PIWIL1: variants seen among roughly 807,000 people sequenced by gnomAD.
PIWIL1 encodes the protein piwi like RNA-mediated gene silencing 1.
PIWIL1 carries 73 observed loss-of-function variants against 114.4 expected under a neutral mutation model. The ratio of observed to expected loss-of-function variants is 0.64; its 90% CI spans 0.53 to 0.78. PIWIL1 has a LOEUF of 0.78. PIWIL1 is among the 30% of genes least tolerant of loss of function. The pLI, the probability that PIWIL1 is intolerant of heterozygous loss-of-function variation, is 0.00. For synonymous variants in PIWIL1, 375 were observed against 369.0 expected (o/e 1.02, Z -0.19); for missense variants, 723 against 1,063.1 (o/e 0.68, Z 4.45).
At chr12:130,424,607 G>C in the PIWIL1 span, 2 of 1,231,828 alleles carry the variant, frequency 1.6e-6, no homozygotes, top group Non-Finnish European at 2.0e-6. The surrounding 1 kb of genome is among the most constrained non-coding windows in gnomAD (Gnocchi z 9.8). Flanking sequence ...CCGAGCCCCT[G>C]TGCTTCACCG....
intron 18 of PIWIL1, 34 bp from the exon 19 acceptor site, chr12:130,367,099 G>A (rs1483668342): frequency 1.2e-6 from 2 of 1,611,312 alleles, no homozygotes; most frequent in Admixed American, 3.3e-5. Context: ...AATATGACTG[G>A]CTAAATGCAG....
chr12:130,399,130 C>A, the PIWIL1 span: 1 of 1,396,126 alleles, frequency 7.2e-7, no homozygotes, highest in Non-Finnish European at 9.4e-7. Flanking sequence ...GGCTACATTG[C>A]CTGATTAAGG....
chr12:130,420,926 C>T, the PIWIL1 span: 2 of 152,200 alleles, frequency 1.3e-5, no homozygotes, highest in African/African-American at 2.4e-5. The surrounding 1 kb of genome is among the most constrained non-coding windows in gnomAD (Gnocchi z 4.3). Flanking sequence ...GCGCCTACAG[C>T]ATTAACTTCT....
chr12:130,391,230 C>G, the PIWIL1 span, among the ~76,000 whole-genome samples: 3 of 152,210 alleles, frequency 2.0e-5, no homozygotes. Context: ...CAAGGTGAGG[C>G]CGCCTGCCTT....
chr12:130,367,345 C>A, intron 19 of PIWIL1, 87 bp downstream of exon 19: 2 of 1,215,974 alleles, frequency 1.6e-6, no homozygotes, highest in Non-Finnish European at 2.2e-6. Flanking sequence ...AATTTTAATA[C>A]ATTTTACTTT....
At chr12:130,358,735 CTGTT>C (rs1593109264) in intron 14 of PIWIL1, among the ~76,000 whole-genome samples, 1 of 152,214 alleles carries the variant, frequency 6.6e-6, no homozygotes, top group South Asian at 2.1e-4. Flanking sequence ...CTTGACTTCA[CTGTT>C]TGTCCAGCTT....
At chr12:130,423,071 C>A in the PIWIL1 span, among the ~76,000 whole-genome samples, 1 of 152,336 alleles carries the variant, frequency 6.6e-6, no homozygotes, top group Admixed American at 6.5e-5. Context: ...CAACATTCTA[C>A]TCCTAATCTG....
At chr12:130,396,211 A>G in the PIWIL1 span, 2 of 152,786 alleles carry the variant, frequency 1.3e-5, no homozygotes, top group Middle Eastern at 6.8e-3. Context: ...ACAGAGCTTA[A>G]CCACACATGG....
chr12:130,425,150 G>A, the PIWIL1 span: 41 of 302,802 alleles, frequency 1.4e-4, no homozygotes, highest in Non-Finnish European at 1.9e-4. Flanking sequence ...GTGAGATCCC[G>A]GCGGCACATC....
the PIWIL1 span, among the ~76,000 whole-genome samples, chr12:130,390,213 T>G: frequency 6.6e-6 from 1 of 152,238 alleles, no homozygotes; most frequent in African/African-American, 2.4e-5. Context: ...TAATCTTTTC[T>G]GATGTCTTCA....
chr12:130,348,582 G>T (rs1016430494), intron 7 of PIWIL1, among the ~76,000 whole-genome samples: 2 of 152,124 alleles, frequency 1.3e-5, no homozygotes, highest in Non-Finnish European at 2.9e-5. Flanking sequence ...AAACCTGCAC[G>T]TGTGCCCCTT....
the PIWIL1 span, chr12:130,424,233 C>T: frequency 2.7e-4 from 337 of 1,232,004 alleles, no homozygotes; most frequent in East Asian, 7.8e-3. The surrounding 1 kb of genome is among the most constrained non-coding windows in gnomAD (Gnocchi z 9.8). Flanking sequence ...CCAGACACCC[C>T]GAAAATCTTG....
At chr12:130,342,544 C>A in intron 1 of PIWIL1, 36 bp from the exon 2 acceptor site, 1 of 1,209,170 alleles carries the variant, frequency 8.3e-7, no homozygotes, top group Non-Finnish European at 1.2e-6. Flanking sequence ...CGATTGCCTC[C>A]ATTGAGTATT....
chr12:130,371,426 G>T (rs2073814024), intron 20 of PIWIL1, 56 bp from the exon 21 acceptor site: 1 of 1,607,316 alleles, frequency 6.2e-7, no homozygotes, highest in South Asian at 1.1e-5. Context: ...ACTGAGATTT[G>T]CAATTGAAAG....
chr12:130,404,293 A>G, the PIWIL1 span, among the ~76,000 whole-genome samples: 2 of 152,178 alleles, frequency 1.3e-5, no homozygotes, highest in Non-Finnish European at 2.9e-5. Context: ...AATAAGATCT[A>G]TATAATTCCT....
Position 130,348,099 on chromosome 12 carries a change from C to A in PIWIL1, c.654-4C>A. On this transcript the variant is annotated splice_region_variant and splice_polypyrimidine_tract_variant and intron_variant, in intron 6 of 20. Coordinates refer to ENST00000245255, the MANE Select transcript of PIWIL1 (RefSeq NM_004764.5). ...TATTCACTCTCTGACCTTTCCATTT[C>A]TAGGCTTTTGAAAATCATGAATTTG... 3 of 1,579,574 alleles carry A rather than the reference C, an allele frequency of 1.9e-6. No homozygotes were observed. The highest frequency in any genetic ancestry group is 2.6e-6 in the Non-Finnish European group (3 of 1,149,688).
chr12:130,346,249 A>C (rs770499964), intron 4 of PIWIL1, 121 bp from the exon 5 acceptor site: 97 of 698,544 alleles, frequency 1.4e-4, no homozygotes, highest in Non-Finnish European at 2.1e-4. Flanking sequence ...GAGGACTTTC[A>C]TGTTGTCTGC....
chr12:130,359,472 T>A (rs2073452835), intron 14 of PIWIL1, among the ~76,000 whole-genome samples: 1 of 152,210 alleles, frequency 6.6e-6, no homozygotes, highest in Non-Finnish European at 1.5e-5. Context: ...CCTGCCCTGC[T>A]CTTGCTGCCA....
At chr12:130,353,752 C>G (rs2073284418) in intron 9 of PIWIL1, among the ~76,000 whole-genome samples, 1 of 151,998 alleles carries the variant, frequency 6.6e-6, no homozygotes, top group Non-Finnish European at 1.5e-5. Context: ...CATGTTGAAA[C>G]CCTGTCTCTA....
Sources: allele counts gnomAD v4.1 joint callset (sites outside exome capture counted in the v4.1 genomes callset), GRCh38; gene constraint gnomAD v4.1.1; non-coding constraint Gnocchi (gnomAD v3.1); transcripts MANE v1.5; gene names NCBI Gene and HGNC (gene_info 2026-07-23, HGNC 2026-07-21).